The following CLN3 variants were observed in gnomAD, a reference collection of about 807,000 sequenced individuals.
CLN3 encodes the protein CLN3 lysosomal/endosomal transmembrane protein, battenin.
CLN3 carries 49 observed loss-of-function variants against 60.7 expected under a neutral mutation model. The ratio of observed to expected loss-of-function variants is 0.81; its 90% CI spans 0.64 to 1.02. CLN3 has a LOEUF of 1.02. Among genes scored for constraint, CLN3 ranks in the 50% least tolerant of loss-of-function variants. The pLI is 0.00. For synonymous variants in CLN3, 256 were observed against 245.8 expected (o/e 1.04, Z -0.39); for missense variants, 516 against 557.4 (o/e 0.93, Z 0.75).
In CLN3 at chr16:28,484,014, G is replaced by A. The variant is rs199627744; in HGVS notation, c.782C>T (p.Ser261Leu). 13 of 1,608,024 alleles carry A rather than the reference G, an allele frequency of 8.1e-6. No individual in the cohort carries two copies. The East Asian group carries it at 8.9e-5, about 11-fold the overall frequency. The change falls in exon 10 of 16, where the codon TCG becomes TTG. Residue 261 changes from serine (S) to leucine (L), a missense_variant. By Grantham distance (145) the Ser-to-Leu change is moderately radical. Transcript: ENST00000636147. ...GGGTCTGTGTCTCCTACCTGGCTTC[G>A]ACTCCGGGGCCTCGGTTCTTATGAG... ...QPLIRTEAPE[S>L]KPGSSSSLSL... is the part of the protein sequence containing the mutation.
intron 10 of CLN3, 149 bp downstream of exon 10, chr16:28,483,857 C>A: frequency 3.0e-6 from 2 of 657,880 alleles, no homozygotes; most frequent in Non-Finnish European, 2.7e-6. Context: ...TGTGCTCGTC[C>A]TCAACAAGTA....
chr16:28,489,303 CCCGA>C lies in CLN3; in HGVS notation c.205_208del (p.Ser69GlufsTer111). Reference sequence around the variant, plus strand: ...AGAGTCACTTACATGGCTCTGGTTTCCCGATGTCCTCTTGTGGCTAAGGATGTCG... The same window carrying C: ...AGAGTCACTTACATGGCTCTGGTTTCTGTCCTCTTGTGGCTAAGGATGTCG... On this transcript the variant is annotated frameshift_variant, in exon 4 of 16. Transcript: ENST00000636147. LOFTEE classifies it high-confidence loss of function. The C allele has an allele frequency of 6.2e-7, 1 of 1,612,754 alleles. No homozygotes were observed. Among genetic ancestry groups the C allele is most frequent in the Non-Finnish European group, 8.5e-7 (1 of 1,179,396 alleles).
At chr16:28,487,834 G>T (rs2046247832) in intron 5 of CLN3, 93 bp from the exon 6 acceptor site, 2 of 983,108 alleles carry the variant, frequency 2.0e-6, no homozygotes, top group African/African-American at 3.2e-5. Context: ...GGCCAAACAG[G>T]CCTGCTACAA....
chr16:28,487,801 G>C, intron 5 of CLN3, 60 bp from the exon 6 acceptor site: 1 of 1,420,702 alleles, frequency 7.0e-7, no homozygotes, highest in South Asian at 1.2e-5. Context: ...TCCCAACCAC[G>C]TGGCCAAGGA....
chr16:28,482,261 G>T, intron 13 of CLN3, 63 bp from the exon 14 acceptor site: 1 of 1,601,904 alleles, frequency 6.2e-7, no homozygotes, highest in Non-Finnish European at 8.5e-7. Flanking sequence ...TCCCCCCGGT[G>T]CCTACTGGGC....
rs1351033566 is a variant in CLN3, at chr16:28,486,622, G to A, written c.489C>T (p.Gly163=). ...GGGAGAGGAAGGTGACCTCCCCAAG[G>A]CCTGATGAGATGCTAGCGAAGACCA... The part of the protein sequence containing the change: ...CGVVFASISS[G]LGEVTFLSLT... Residue 163 remains glycine, a synonymous_variant, in exon 8 of 16, where the codon GGC becomes GGT. Coordinates refer to ENST00000636147, the MANE Select transcript of CLN3 (RefSeq NM_001042432.2). 8 of 1,611,050 alleles carry A rather than the reference G, an allele frequency of 5.0e-6. No individual in the cohort carries two copies. The highest frequency in any genetic ancestry group is 6.8e-6 in the Non-Finnish European group (8 of 1,178,796).
At chr16:28,484,661 G>A (rs915214354) in intron 9 of CLN3, 3 of 170,246 alleles carry the variant, frequency 1.8e-5, no homozygotes, top group Admixed American at 5.5e-5. Flanking sequence ...GCCCTTGTTC[G>A]GACTGCTGGC....
Position 28,486,412 on chromosome 16 carries a change from C to T in CLN3, c.612G>A (p.Gln204=), listed in dbSNP as rs1437236175. 6.2e-7 allele frequency: 1 copy of T among 1,613,506 alleles called. No homozygotes were observed. The highest frequency in any genetic ancestry group is 1.7e-5 in the Admixed American group (1 of 59,998). Residue 204 remains glutamine (Q), a synonymous_variant, in exon 9 of 16, where the codon CAG becomes CAA. Transcript: ENST00000636147. ...LGALSYLGLT[Q]AGLSPQQTLL... ...GGGTCTGCTGAGGGGAGAGGCCGGC[C>T]TGGGTGAGGCCCAGGTAGGACAGGG...
intron 3 of CLN3, chr16:28,490,550 G>A (rs2046296736): frequency 6.6e-6 from 1 of 151,538 alleles, no homozygotes; most frequent in African/African-American, 2.4e-5. Flanking sequence ...CACGAGGTCA[G>A]GAGATCGAGA....
At chr16:28,488,535 G>A (rs1018171488) in intron 5 of CLN3, 56 bp downstream of exon 5, 1 of 1,502,918 alleles carries the variant, frequency 6.7e-7, no homozygotes, top group South Asian at 1.1e-5. Context: ...TGGGAGTGGG[G>A]TCTATAGACC....
chr16:28,489,242 T>C, intron 4 of CLN3, 48 bp downstream of exon 4: 9 of 1,457,376 alleles, frequency 6.2e-6, no homozygotes, highest in Non-Finnish European at 8.6e-6. Flanking sequence ...CACCCCCTCA[T>C]CTTCCCACAG....
intron 14 of CLN3, among the ~76,000 whole-genome samples, chr16:28,481,456 A>ACACACACACG (rs1555468017): frequency 1.7e-3 from 118 of 70,206 alleles, no homozygotes; most frequent in African/African-American, 3.4e-3. Context: ...ACACACACGC[A>ACACACACACG]CACACACACA....
At chr16:28,482,278 G>A (rs1236416614) in intron 13 of CLN3, 49 bp downstream of exon 13, 6 of 1,606,412 alleles carry the variant, frequency 3.7e-6, no homozygotes, top group Non-Finnish European at 5.1e-6. Context: ...GGGCAGGGCA[G>A]CTGCATCACC....
intron 10 of CLN3, among the ~76,000 whole-genome samples, chr16:28,483,664 T>C (rs1246551330): frequency 6.6e-6 from 1 of 151,360 alleles, no homozygotes; most frequent in Admixed American, 6.6e-5. Context: ...ACATGGTAAG[T>C]ACTCAATTAA....
chr16:28,485,571 CAAAAAAA>C (rs67148714), intron 9 of CLN3, among the ~76,000 whole-genome samples: 1 of 11,768 alleles, frequency 8.5e-5, no homozygotes, highest in Non-Finnish European at 1.3e-4. Context: ...GACTCCGTCT[CAAAAAAA>C]AAAAAAAAAA....
At chr16:28,481,699 G>A (rs2046098626) in intron 14 of CLN3, among the ~76,000 whole-genome samples, 2 of 152,040 alleles carry the variant, frequency 1.3e-5, no homozygotes, top group Admixed American at 6.6e-5. Flanking sequence ...GGTTCCCTGT[G>A]CTAAGAAATG....
Position 28,487,705 on chromosome 16 carries a change from T to G in CLN3, c.331A>C (p.Ile111Leu). The change falls in exon 6 of 16, where the codon ATC becomes CTC. Residue 111 changes from isoleucine to leucine, a missense_variant. Coordinates refer to ENST00000636147, the MANE Select transcript of CLN3 (RefSeq NM_001042432.2). ...LLADILPTLV[I>L]KLLAPLGLHL... ...AGGCCAAGAGGAGCCAACAATTTGA[T>G]GACGAGTGTGGGGAGGATGTCCGCC... The G allele has an allele frequency of 6.2e-7, 1 of 1,613,928 alleles. No individual in the cohort carries two copies. Among genetic ancestry groups the G allele is most frequent in the African/African-American group, 1.3e-5 (1 of 75,014 alleles).
intron 7 of CLN3, 103 bp downstream of exon 7, chr16:28,487,353 C>G (rs2046236664): frequency 1.0e-6 from 1 of 964,098 alleles, no homozygotes; most frequent in Non-Finnish European, 1.7e-6. Context: ...CTAAGGGTGA[C>G]AGAATGAATC....
downstream of CLN3, chr16:28,470,631 G>A (rs1378636042): frequency 2.5e-5 from 3 of 121,516 alleles, no homozygotes; most frequent in Admixed American, 8.5e-5. Context: ...GGGGAGGGGA[G>A]GGGGAGGGGA....
Sources: gnomAD v4.1 joint callset for allele counts (sites outside exome capture counted in the v4.1 genomes callset) on GRCh38, gnomAD v4.1.1 for gene constraint, MANE v1.5 for transcripts, NCBI Gene and HGNC (gene_info 2026-07-23, HGNC 2026-07-21) for gene names.